FHIT: variants seen among roughly 807,000 people sequenced by gnomAD.
The protein encoded by FHIT is bis(5'-adenosyl)-triphosphatase.
A neutral mutation model predicts 17.9 loss-of-function variants in FHIT; 19 were observed. The ratio of observed to expected loss-of-function variants is 1.06; its 90% confidence interval spans 0.74 to 1.56. The LOEUF (loss-of-function observed/expected upper bound fraction) is 1.56, where lower values mean the gene tolerates loss of function less well. FHIT is among the 40% of genes most tolerant of loss of function. The pLI, the probability that FHIT is intolerant of heterozygous loss-of-function variation, is 0.00. For synonymous variants in FHIT, 81 were observed against 69.7 expected (o/e 1.16, Z -0.81); for missense variants, 248 against 189.2 (o/e 1.31, Z -1.82).
chr3:60,568,718 C>A (rs1220992395), intron 4 of FHIT, among the ~76,000 whole-genome samples: 1 of 152,114 alleles, frequency 6.6e-6, no homozygotes, highest in Non-Finnish European at 1.5e-5. Context: ...GGAACTCAAC[C>A]TTTAGGCATT....
intron 5 of FHIT, among the ~76,000 whole-genome samples, chr3:60,446,174 GA>G (rs1332028613): frequency 1.3e-5 from 2 of 151,980 alleles, no homozygotes; most frequent in African/African-American, 4.8e-5. Flanking sequence ...ATTAGCTTCA[GA>G]AAAAAATCCA....
intron 7 of FHIT, among the ~76,000 whole-genome samples, chr3:59,969,644 T>C (rs969433875): frequency 6.6e-6 from 1 of 152,108 alleles, no homozygotes; most frequent in African/African-American, 2.4e-5. Context: ...ATGCTTCATT[T>C]GCGTACTTGC....
rs368567502 is a variant in FHIT, at chr3:61,217,754, A to T, written c.-212-17089T>A. On this transcript the variant is annotated intron_variant, in intron 1 of 9. Coordinates refer to ENST00000492590, the MANE Select transcript of FHIT (RefSeq NM_002012.4). ...TCTTTACAAGCACATATGAAACATA[A>T]GCAAAAATTAAACATATAGTAGGCC... is the stretch of plus-strand genomic sequence containing the variant. Among the ~76,000 whole-genome samples the T allele has an allele frequency of 3.9e-5, 6 of 152,372 alleles. No individual in the cohort carries two copies. The East Asian group carries it at 9.6e-4, about 24-fold the overall frequency.
intron 2 of FHIT, among the ~76,000 whole-genome samples, chr3:61,161,624 C>A (rs748590934): frequency 5.9e-4 from 90 of 152,206 alleles, no homozygotes; most frequent in Non-Finnish European, 1.1e-3. Context: ...TATTTAAAGT[C>A]TTTGCACTGA....
At chr3:60,561,064 A>G (rs1162445067) in intron 4 of FHIT, among the ~76,000 whole-genome samples, 1 of 152,042 alleles carries the variant, frequency 6.6e-6, no homozygotes, top group African/African-American at 2.4e-5. Flanking sequence ...GGATTCATTC[A>G]TTGCACTTTT....
At chr3:59,957,419 A>G (rs1408019799) in intron 7 of FHIT, among the ~76,000 whole-genome samples, 1 of 152,222 alleles carries the variant, frequency 6.6e-6, no homozygotes, top group African/African-American at 2.4e-5. Flanking sequence ...AGCCTCCAGA[A>G]CGGTGAGAAA....
intron 8 of FHIT, among the ~76,000 whole-genome samples, chr3:59,779,680 C>T (rs181398527): frequency 5.1e-4 from 78 of 152,248 alleles, no homozygotes; most frequent in African/African-American, 1.7e-3. Context: ...TCCGGGCATA[C>T]GAGGTTATCA....
At chr3:60,027,142 C>CAAA (rs1321531808) in intron 5 of FHIT, among the ~76,000 whole-genome samples, 10 of 109,526 alleles carry the variant, frequency 9.1e-5, no homozygotes, top group African/African-American at 3.1e-4. Flanking sequence ...CACACACACA[C>CAAA]ACACACAAAA....
intron 5 of FHIT, among the ~76,000 whole-genome samples, chr3:60,449,427 T>TAC (rs140706888): frequency 0.19 from 28,750 of 149,626 alleles, 4,030 homozygotes; most frequent in African/African-American, 0.39. Flanking sequence ...CATATGCGCA[T>TAC]ACACACACAC....
intron 2 of FHIT, among the ~76,000 whole-genome samples, chr3:61,103,179 T>C (rs1197353753): frequency 6.6e-6 from 1 of 152,246 alleles, no homozygotes; most frequent in Non-Finnish European, 1.5e-5. Flanking sequence ...CTGCTTTGTG[T>C]TGTGGGCATT....
chr3:59,890,173 CT>C (rs1703794668), intron 8 of FHIT, among the ~76,000 whole-genome samples: 1 of 152,088 alleles, frequency 6.6e-6, no homozygotes, highest in African/African-American at 2.4e-5. Context: ...ACGAAATTAA[CT>C]TCTTTGAGAG....
chr3:60,838,150 A>T (rs1282943475), intron 3 of FHIT, among the ~76,000 whole-genome samples: 4 of 152,086 alleles, frequency 2.6e-5, no homozygotes, highest in Admixed American at 2.6e-4. Flanking sequence ...TCCAGGCTGG[A>T]GAGTGCAGTG....
intron 5 of FHIT, among the ~76,000 whole-genome samples, chr3:60,225,267 G>T (rs536112352): frequency 5.9e-5 from 9 of 152,138 alleles, no homozygotes; most frequent in Non-Finnish European, 1.2e-4. Context: ...CAGTGACGTG[G>T]TTAACTACAT....
intron 4 of FHIT, among the ~76,000 whole-genome samples, chr3:60,646,831 A>G (rs782582931): frequency 6.6e-5 from 10 of 152,236 alleles, no homozygotes; most frequent in Admixed American, 1.3e-4. Context: ...AATTCAAATC[A>G]GAACACTTCT....
chr3:60,517,292 TATTTA>T (rs2035195494), intron 5 of FHIT, among the ~76,000 whole-genome samples: 1 of 152,232 alleles, frequency 6.6e-6, no homozygotes. Flanking sequence ...ATATCTTTCT[TATTTA>T]TATTATTGCC....
At position 59,791,444 on chromosome 3, in the gene FHIT, C is replaced by CAA. The variant is rs1380850958; in HGVS notation, c.349-39125_349-39124dup. Among the ~76,000 whole-genome samples the CAA allele has an allele frequency of 2.6e-5, 4 of 152,188 alleles. No individual in the cohort carries two copies. The East Asian group carries it at 5.8e-4, about 22-fold the overall frequency. ...GTTGCCTGAGAGAAGCAGAGAGACA[C>CAA]AAAGCCCCTAATGACATTGCTTGTG... On this transcript the variant is annotated intron_variant, in intron 8 of 9. Coordinates refer to ENST00000492590, the MANE Select transcript of FHIT (RefSeq NM_002012.4).
intron 5 of FHIT, among the ~76,000 whole-genome samples, chr3:60,036,766 T>C (rs1445793324): frequency 6.8e-6 from 1 of 146,878 alleles, no homozygotes; most frequent in Non-Finnish European, 1.5e-5. Context: ...GTCAACAGGT[T>C]TTGTTTGTTT....
chr3:60,526,486 G>A (rs12107577), intron 5 of FHIT, among the ~76,000 whole-genome samples: 9,210 of 152,116 alleles, frequency 0.061, 929 homozygotes, highest in African/African-American at 0.21. Flanking sequence ...GGGACCTGCT[G>A]AGGTTGGTGC....
At chr3:59,879,388 A>G (rs922195840) in intron 8 of FHIT, among the ~76,000 whole-genome samples, 5 of 152,210 alleles carry the variant, frequency 3.3e-5, no homozygotes, top group African/African-American at 1.2e-4. Context: ...ACATTTCCAC[A>G]GTAAGGTAAT....
Sources: allele counts gnomAD v4.1 joint callset (sites outside exome capture counted in the v4.1 genomes callset), GRCh38; gene constraint gnomAD v4.1.1; transcripts MANE v1.5; gene names NCBI Gene and HGNC (gene_info 2026-07-23, HGNC 2026-07-21).